ROBO3: variants seen among roughly 807,000 people sequenced by gnomAD.
ROBO3 encodes roundabout guidance receptor 3, also known as roundabout homolog 3.
In ROBO3, 97 loss-of-function variants were observed where a neutral mutation model predicts 160.5. That is an observed-to-expected ratio of 0.60 (90% confidence interval 0.51 to 0.72). The LOEUF is 0.72. ROBO3 is among the 30% of genes least tolerant of loss of function. The probability of loss-of-function intolerance (pLI) is 0.00; values close to 1 mark genes in which losing one functional copy is unlikely to be tolerated. For missense variants in ROBO3, 1,858 were observed against 1,846.5 expected, an observed-to-expected ratio of 1.01 and a Z score of -0.11; for synonymous variants, 780 against 746.2, an observed-to-expected ratio of 1.05 and a Z score of -0.74.
Position 124,876,024 on chromosome 11 carries a change from T to C in ROBO3, c.2492T>C (p.Met831Thr). 1.9e-6 allele frequency: 3 copies of C among 1,604,750 alleles called. No individual in the cohort carries two copies. The highest frequency in any genetic ancestry group is 2.6e-6 in the Non-Finnish European group (3 of 1,176,264). The change falls in exon 16 of 28, where the codon ATG becomes ACG. Residue 831 changes from methionine (M) to threonine (T), a missense_variant. Transcript: ENST00000397801. This position sits in a 1 kb window ranked among gnomAD's most constrained non-coding sequence, Gnocchi z 5.3. ...GCAGCAGGCTGGGCACGCTCCGCAA[T>C]GCTCCGAGGACTGGTGCCCGGTCTC... ...RSAAGWARSA[M>T]LRGLVPGLLY...
In ROBO3 at chr11:124,878,262, C is replaced by T. The variant is rs147040205; in HGVS notation, c.3182-36C>T. 1.3e-4 allele frequency: 214 copies of T among 1,608,210 alleles called. 2 individuals are homozygous for T. In the Admixed American group the frequency reaches 3.6e-3, roughly 27 times the overall value. On this transcript the variant is annotated intron_variant, in intron 21 of 27. Transcript: ENST00000397801. The surrounding 1 kb of genome is among the most constrained non-coding windows in gnomAD (Gnocchi z 4.3). The stretch of plus-strand genomic sequence containing the variant: ...CTGTCTCATCTCTGGCTCTTTCCTG[C>T]CTGTTCTCCGGGTGTCCCCATCCTA...
rs776285634 is a variant in ROBO3, at chr11:124,870,312, C to A, written c.905+9C>A. ...GAACTGCCCACAGGCAGGTGAGAGA[C>A]CCCCTTCTGCCTGTAGGAAGACCCA... On this transcript the variant is annotated intron_variant, in intron 5 of 27. Transcript: ENST00000397801. 12 of 1,611,386 alleles carry A rather than the reference C, an allele frequency of 7.4e-6. No individual in the cohort carries two copies. The highest frequency in any genetic ancestry group is 1.0e-5 in the Non-Finnish European group (12 of 1,178,746).
chr11:124,874,019 A>G, intron 11 of ROBO3, 51 bp from the exon 12 acceptor site: 1 of 1,608,152 alleles, frequency 6.2e-7, no homozygotes, highest in Non-Finnish European at 8.5e-7. Context: ...TGGAGTAGGC[A>G]GGTTGGGAGT....
At chr11:124,871,672 T>A (rs185210076) in intron 7 of ROBO3, among the ~76,000 whole-genome samples, 133 of 152,276 alleles carry the variant, frequency 8.7e-4, no homozygotes, top group Non-Finnish European at 1.7e-3. Flanking sequence ...ACCACATAAA[T>A]AACTCTCTCT....
chr11:124,874,945 A>G, intron 13 of ROBO3, 36 bp downstream of exon 13: 1 of 1,592,336 alleles, frequency 6.3e-7, no homozygotes, highest in Non-Finnish European at 8.6e-7. Flanking sequence ...CAGGGTGGGG[A>G]TGATTATGAG....
Position 124,869,355 on chromosome 11 carries a change from G to C in ROBO3, c.488-95G>C, listed in dbSNP as rs188092285. The C allele has an allele frequency of 2.0e-4, 255 of 1,247,534 alleles. 1 individual carries two copies. In the East Asian group the frequency reaches 6.2e-3, roughly 30 times the overall value. The allele number at this position is 1,247,534 out of a possible 1,614,324, so 77.3% of individuals were successfully genotyped here. On this transcript the variant is annotated intron_variant, in intron 2 of 27. Coordinates refer to ENST00000397801, the MANE Select transcript of ROBO3 (RefSeq NM_022370.4). The surrounding 1 kb of genome is among the most constrained non-coding windows in gnomAD (Gnocchi z 4.2). ...CTGGGAACGAATTCCAGTCTGCAGC[G>C]ATCAACCCCTTCCCAAGACAACACT...
chr11:124,879,541 G>C lies in ROBO3; in HGVS notation c.3762G>C (p.Lys1254Asn). The change falls in exon 25 of 28, where the codon AAG becomes AAC. Residue 1254 changes from lysine (K) to asparagine (N), a missense_variant. Lys to Asn is a moderately conservative substitution (Grantham distance 94). Transcript: ENST00000397801. ...GTGCTCGATTCCGGAAGAAACCCAA[G>C]GCTCTTCCCTACAGGAGGGAGAACA... Reference protein sequence around the residue: ...GPRARFRKKPKALPYRRENSP... With the variant: ...GPRARFRKKPNALPYRRENSP... The C allele has an allele frequency of 1.2e-6, 2 of 1,613,716 alleles. No individual in the cohort carries two copies. The highest frequency in any genetic ancestry group is 3.3e-5 in the Admixed American group (2 of 60,008).
rs200197609 is a variant in ROBO3 at position 124,873,315 on chromosome 11, G to A, written c.1542G>A (p.Met514Ile). 2.8e-4 allele frequency: 447 copies of A among 1,609,002 alleles called. 2 individuals carry two copies. In the African/African-American group the frequency reaches 5.1e-3, roughly 18 times the overall value. ...TGCTCTGCCCTCTCTTCCAGGAGAT[G>A]GACATGGGCTTCTACAGCTGCGTGG... ...GTLYIANVQE[M>I]DMGFYSCVAK... The change falls in exon 10 of 28, where the codon ATG (methionine) becomes ATA (isoleucine). Residue 514 changes from methionine to isoleucine, a missense_variant. Met to Ile is a conservative substitution (Grantham distance 10). Transcript: ENST00000397801. This position sits in a 1 kb window ranked among gnomAD's most constrained non-coding sequence, Gnocchi z 4.5.
chr11:124,869,703 C>A lies in ROBO3; in HGVS notation c.645+96C>A. Reference sequence around the variant, plus strand: ...AGATTGAGATCAGGGCATTAGCTAACCAGAGACTAAGAGTCAGCTATACAG... The same window carrying A: ...AGATTGAGATCAGGGCATTAGCTAAACAGAGACTAAGAGTCAGCTATACAG... On this transcript the variant is annotated intron_variant, in intron 3 of 27. Coordinates refer to ENST00000397801, the MANE Select transcript of ROBO3 (RefSeq NM_022370.4). This position sits in a 1 kb window ranked among gnomAD's most constrained non-coding sequence, Gnocchi z 4.2. 7.2e-7 allele frequency: 1 copy of A among 1,380,602 alleles called. No individual in the cohort carries two copies. Among genetic ancestry groups the A allele is most frequent in the Non-Finnish European group, 9.8e-7 (1 of 1,022,966 alleles). 85.5% of individuals were successfully genotyped at this position (1,380,602 alleles called of 1,614,324 possible).
rs952139203 is a variant in ROBO3, at chr11:124,880,723, G to C, written c.4149+115G>C. The C allele has an allele frequency of 7.2e-6, 10 of 1,386,814 alleles. No homozygotes were observed. In the African/African-American group the frequency reaches 1.5e-4, roughly 20 times the overall value. 85.9% of individuals were successfully genotyped at this position (1,386,814 alleles called of 1,614,324 possible). A position where few individuals can be genotyped will look rare whatever the true frequency, so the allele number is the denominator to read the frequency against. ...CTTGTGGAGGAGTGTCAAAAGGAGG[G>C]GATCGAGAGGGTGAGGGGGAGGGAG... is the stretch of plus-strand genomic sequence containing the variant. On this transcript the variant is annotated intron_variant, in intron 27 of 27. Transcript: ENST00000397801.
rs1387802792 is a variant in ROBO3 at position 124,869,397 on chromosome 11, C to A, written c.488-53C>A. The A allele has an allele frequency of 8.3e-6, 12 of 1,453,140 alleles. No homozygotes were observed. The highest frequency in any genetic ancestry group is 1.0e-5 in the Non-Finnish European group (11 of 1,059,320). 90.0% of individuals were successfully genotyped at this position (1,453,140 alleles called of 1,614,324 possible). A position where few individuals can be genotyped will look rare whatever the true frequency, so the allele number is the denominator to read the frequency against. ...GACAACACTTTCCCTGTGTCCTCAG[C>A]CAGTTATGTCACTCTACACCCTGCT... On this transcript the variant is annotated intron_variant, in intron 2 of 27. Coordinates refer to ENST00000397801, the MANE Select transcript of ROBO3 (RefSeq NM_022370.4). This position sits in a 1 kb window ranked among gnomAD's most constrained non-coding sequence, Gnocchi z 4.2.
At position 124,879,460 on chromosome 11, in the gene ROBO3, T is replaced by C. The variant is rs2135347102; in HGVS notation, c.3686-5T>C. 2 of 1,613,468 alleles carry C rather than the reference T, an allele frequency of 1.2e-6. No homozygotes were observed. Among genetic ancestry groups the C allele is most frequent in the South Asian group, 2.2e-5 (2 of 90,990 alleles). On this transcript the variant is annotated splice_polypyrimidine_tract_variant and splice_region_variant and intron_variant, in intron 24 of 27. Coordinates refer to ENST00000397801, the MANE Select transcript of ROBO3 (RefSeq NM_022370.4). ...CATTCCTCTTCCCGTCTCCTAACAC[T>C]GCAGGCAGAACCTGGCAGGGGAATG...
chr11:124,869,430 CCCCCCA>C lies in ROBO3; in HGVS notation c.488-17_488-12del. 1 of 1,229,900 alleles carries C rather than the reference CCCCCCA, an allele frequency of 8.1e-7. No homozygotes were observed. Among genetic ancestry groups the C allele is most frequent in the Non-Finnish European group, 1.1e-6 (1 of 899,156 alleles). 76.2% of individuals were successfully genotyped at this position (1,229,900 alleles called of 1,614,324 possible). ...GTCACTCTACACCCTGCTTATTTCG[CCCCCCA>C]CCGCCCCGCCCAGTCCTCCGTGATG... On this transcript the variant is annotated splice_polypyrimidine_tract_variant and intron_variant, in intron 2 of 27. Coordinates refer to ENST00000397801, the MANE Select transcript of ROBO3 (RefSeq NM_022370.4). The surrounding 1 kb of genome is among the most constrained non-coding windows in gnomAD (Gnocchi z 4.2).
chr11:124,879,998 G>T, intron 26 of ROBO3, 50 bp downstream of exon 26: 1 of 1,495,326 alleles, frequency 6.7e-7, no homozygotes, highest in Non-Finnish European at 8.9e-7. Context: ...GGAGACTGTG[G>T]GCTTTGGGAC....
At chr11:124,867,483 TCAC>T (rs1946215013) in intron 1 of ROBO3, among the ~76,000 whole-genome samples, 1 of 152,100 alleles carries the variant, frequency 6.6e-6, no homozygotes, top group South Asian at 2.1e-4. Context: ...CCAGTGTTGC[TCAC>T]CACGGGGTGT....
At chr11:124,867,386 T>C (rs7102701) in intron 1 of ROBO3, among the ~76,000 whole-genome samples, 54,026 of 152,040 alleles carry the variant, frequency 0.36, 9,805 homozygotes, top group Non-Finnish European at 0.38. Flanking sequence ...AGTTAAATAA[T>C]TTGCCCAAGT....
rs1168277930 is a variant in ROBO3, at chr11:124,872,822, A to G, written c.1331-62A>G. ...GGGTGAAGGAGCAGAGAATGAGGACAAGGGGCTGCCCGCGGGGCCCTAAGC... is the reference window on the plus strand; with the variant it reads ...GGGTGAAGGAGCAGAGAATGAGGACGAGGGGCTGCCCGCGGGGCCCTAAGC... On this transcript the variant is annotated intron_variant, in intron 8 of 27. Coordinates refer to ENST00000397801, the MANE Select transcript of ROBO3 (RefSeq NM_022370.4). The surrounding 1 kb of genome is among the most constrained non-coding windows in gnomAD (Gnocchi z 4.3). 1.4e-6 allele frequency: 2 copies of G among 1,381,158 alleles called. No homozygotes were observed. The highest frequency in any genetic ancestry group is 1.9e-6 in the Non-Finnish European group (2 of 1,026,314). The allele number at this position is 1,381,158 out of a possible 1,614,324, so 85.6% of individuals were successfully genotyped here.
At chr11:124,874,946 T>A in intron 13 of ROBO3, 37 bp downstream of exon 13, 1 of 1,591,624 alleles carries the variant, frequency 6.3e-7, no homozygotes, top group South Asian at 1.1e-5. Context: ...AGGGTGGGGA[T>A]GATTATGAGG....
Position 124,876,509 on chromosome 11 carries a change from C to T in ROBO3, c.2779+49C>T, listed in dbSNP as rs1946380280. 1 of 1,335,184 alleles carries T rather than the reference C, an allele frequency of 7.5e-7. No homozygotes were observed. The highest frequency in any genetic ancestry group is 9.6e-7 in the Non-Finnish European group (1 of 1,044,178). 82.7% of individuals were successfully genotyped at this position (1,335,184 alleles called of 1,614,324 possible). A position where few individuals can be genotyped will look rare whatever the true frequency, so the allele number is the denominator to read the frequency against. ...ACGGATCCGGGAGGGAGCCAGGCGG[C>T]CCATGGGGAGGGGCAGGGGCTTAGC... On this transcript the variant is annotated intron_variant, in intron 17 of 27. Transcript: ENST00000397801. The surrounding 1 kb of genome is among the most constrained non-coding windows in gnomAD (Gnocchi z 5.3).
Sources: gnomAD v4.1 joint callset for allele counts (sites outside exome capture counted in the v4.1 genomes callset) on GRCh38, gnomAD v4.1.1 for gene constraint, Gnocchi (gnomAD v3.1) non-coding constraint, MANE v1.5 for transcripts, NCBI Gene and HGNC (gene_info 2026-07-23, HGNC 2026-07-21) for gene names.